Variants in PRDM1 observed in about 807,000 individuals in gnomAD.
PRDM1 encodes the protein PR domain zinc finger protein 1.
PRDM1 carries 13 observed loss-of-function variants against 62.8 expected under a neutral mutation model. That is an observed-to-expected ratio of 0.21 (90% CI 0.13 to 0.33). PRDM1 has a LOEUF of 0.33. Among genes scored for constraint, PRDM1 ranks in the 10% least tolerant of loss-of-function variants. PRDM1 has a pLI of 1.00. For synonymous variants in PRDM1, 396 were observed against 417.6 expected, an observed-to-expected ratio of 0.95 and a Z score of 0.63; for missense variants, 895 against 1,058.8, an observed-to-expected ratio of 0.85 and a Z score of 2.15.
Position 106,105,156 on chromosome 6 carries a change from C to T in PRDM1, c.996C>T (p.Ser332=), listed in dbSNP as rs143152824. Residue 332 remains serine (S), a synonymous_variant, in exon 5 of 7, where the codon TCC becomes TCT. Coordinates refer to ENST00000369096, the MANE Select transcript of PRDM1 (RefSeq NM_001198.4). ...TYITRSPIPS[S]TTPSPSARSS... ...TCACTCGCTCCCCCATTCCATCCTCCACCACTCCAAGCCCCTCTGCAAGAA... is the reference window on the plus strand; with the variant it reads ...TCACTCGCTCCCCCATTCCATCCTCTACCACTCCAAGCCCCTCTGCAAGAA... 2.2e-5 allele frequency: 36 copies of T among 1,613,002 alleles called. No homozygotes were observed. The highest frequency in any genetic ancestry group is 2.9e-5 in the Non-Finnish European group (34 of 1,179,614).
chr6:106,064,963 G>T (rs534805638), intron 1 of PRDM1, among the ~76,000 whole-genome samples: 91 of 152,274 alleles, frequency 6.0e-4, no homozygotes, highest in African/African-American at 2.2e-3. Context: ...CTGGTCTTCA[G>T]TAGGACCTCT....
intron 1 of PRDM1, among the ~76,000 whole-genome samples, chr6:106,067,129 C>A (rs1773445735): frequency 6.6e-6 from 1 of 152,186 alleles, no homozygotes; most frequent in Non-Finnish European, 1.5e-5. Context: ...AGCCAATTCT[C>A]TTCACCACCA....
At position 106,003,894 on chromosome 6, in the gene PRDM1, GT is replaced by G. The variant is rs1448671725; in HGVS notation, c.-67+10258del. Among the ~76,000 whole-genome samples, 26 of 152,174 alleles carry G rather than the reference GT, an allele frequency of 1.7e-4. 1 individual carries two copies. Among genetic ancestry groups the G allele is most frequent in the African/African-American group, 6.3e-4 (26 of 41,442 alleles). ...TTCCAGTATTGTTGCTTTAATTGCA[GT>G]TTGCTTCCTTCTCCAAAGGGAGAGT... On this transcript the variant is annotated intron_variant, in intron 1 of 6. Coordinates refer to the PRDM1 transcript ENST00000652320.
In PRDM1 at chr6:106,026,296, T is replaced by C. The variant is rs575933897; in HGVS notation, c.-67+32657T>C. On this transcript the variant is annotated intron_variant, in intron 1 of 6. Coordinates refer to the PRDM1 transcript ENST00000652320. ...GAGTTCGAGACCAGCCTGATCAACATGGAGAAACCCCGTCTCTACTAAAAA... is the reference window on the plus strand; with the variant it reads ...GAGTTCGAGACCAGCCTGATCAACACGGAGAAACCCCGTCTCTACTAAAAA... Among the ~76,000 whole-genome samples, 4 of 152,170 alleles carry C rather than the reference T, an allele frequency of 2.6e-5. No individual in the cohort carries two copies. The East Asian group carries it at 7.7e-4, about 29-fold the overall frequency.
upstream of PRDM1, among the ~76,000 whole-genome samples, chr6:106,086,165 G>C (rs937401705): frequency 6.6e-6 from 1 of 152,214 alleles, no homozygotes; most frequent in Non-Finnish European, 1.5e-5. Context: ...AAGATTCCAA[G>C]TCAATGTTGA....
intron 1 of PRDM1, among the ~76,000 whole-genome samples, chr6:106,017,071 TG>T (rs1222688656): frequency 1.1e-4 from 17 of 152,230 alleles, no homozygotes; most frequent in African/African-American, 3.9e-4. Flanking sequence ...AAATGCATTA[TG>T]AATGCATAAA....
upstream of PRDM1, among the ~76,000 whole-genome samples, chr6:106,081,725 A>G (rs1359702341): frequency 6.6e-6 from 1 of 152,182 alleles, no homozygotes; most frequent in Non-Finnish European, 1.5e-5. Flanking sequence ...CTTAGAAAGG[A>G]TGAGAAGAAA....
At position 106,015,460 on chromosome 6, in the gene PRDM1, G is replaced by A. The variant is rs1034114219; in HGVS notation, c.-67+21821G>A. Among the ~76,000 whole-genome samples, 3 of 152,166 alleles carry A rather than the reference G, an allele frequency of 2.0e-5. No individual in the cohort carries two copies. In the South Asian group the frequency reaches 6.2e-4, roughly 31 times the overall value. ...CCTCAAGACTTAAATGAAAGGCAAG[G>A]TGCTAAACAATGAATATGCCACCTT... On this transcript the variant is annotated intron_variant, in intron 1 of 6. Coordinates refer to the PRDM1 transcript ENST00000652320.
At chr6:106,034,919 G>A (rs2114570581) in intron 1 of PRDM1, among the ~76,000 whole-genome samples, 1 of 152,274 alleles carries the variant, frequency 6.6e-6, no homozygotes, top group South Asian at 2.1e-4. Flanking sequence ...ACAGGTGTGA[G>A]CCACCACACT....
At chr6:106,090,351 C>T (rs1209401188) in intron 2 of PRDM1, among the ~76,000 whole-genome samples, 1 of 152,208 alleles carries the variant, frequency 6.6e-6, no homozygotes, top group East Asian at 1.9e-4. Flanking sequence ...CGAAACTAAC[C>T]TAAGAGGTGA....
intron 2 of PRDM1, among the ~76,000 whole-genome samples, chr6:106,089,527 G>GT (rs1773904610): frequency 6.6e-6 from 1 of 152,196 alleles, no homozygotes; most frequent in Non-Finnish European, 1.5e-5. Context: ...TGAGTCCAGT[G>GT]TTTTTGGTGA....
chr6:106,018,284 AAGT>A (rs1772649650), intron 1 of PRDM1, among the ~76,000 whole-genome samples: 1 of 152,242 alleles, frequency 6.6e-6, no homozygotes, highest in South Asian at 2.1e-4. Context: ...ATAGTGTGTT[AAGT>A]AGACCATAAT....
intron 1 of PRDM1, among the ~76,000 whole-genome samples, chr6:106,039,426 G>A (rs1350660021): frequency 6.6e-6 from 1 of 152,142 alleles, no homozygotes; most frequent in African/African-American, 2.4e-5. Flanking sequence ...TGTTATGTTT[G>A]TCTAAGTTTC....
chr6:106,100,495 T>C (rs954098021), intron 4 of PRDM1: 1 of 152,276 alleles, frequency 6.6e-6, no homozygotes, highest in Non-Finnish European at 1.5e-5. Context: ...TTACCAGTTA[T>C]TGATAAGTAT....
At chr6:106,085,036 A>C (rs1181689150), upstream of PRDM1, among the ~76,000 whole-genome samples, 1 of 152,220 alleles carries the variant, frequency 6.6e-6, no homozygotes, top group Non-Finnish European at 1.5e-5. Context: ...TCTAAAAGTG[A>C]GAAAAGAAAT....
At chr6:106,016,480 C>T (rs1332231665) in intron 1 of PRDM1, among the ~76,000 whole-genome samples, 6 of 151,804 alleles carry the variant, frequency 4.0e-5, no homozygotes, top group Non-Finnish European at 5.9e-5. Context: ...GATTAACAAG[C>T]AGGTGTTCAG....
At chr6:106,070,467 A>G (rs1001269711) in intron 1 of PRDM1, among the ~76,000 whole-genome samples, 13 of 152,172 alleles carry the variant, frequency 8.5e-5, no homozygotes, top group African/African-American at 2.9e-4. Flanking sequence ...TGTAAATTTG[A>G]ATATTCAGGT....
chr6:106,071,757 G>A (rs920674172), intron 1 of PRDM1, among the ~76,000 whole-genome samples: 2 of 149,902 alleles, frequency 1.3e-5, no homozygotes, highest in Admixed American at 1.3e-4. Flanking sequence ...TCCTGGGAAT[G>A]TTCCACAACC....
intron 1 of PRDM1, among the ~76,000 whole-genome samples, chr6:106,005,204 C>T (rs1772469321): frequency 6.6e-6 from 1 of 152,194 alleles, no homozygotes; most frequent in African/African-American, 2.4e-5. Context: ...TCAATTACCC[C>T]ATTTTCATGT....
Sources: allele counts gnomAD v4.1 joint callset (sites outside exome capture counted in the v4.1 genomes callset), GRCh38; gene constraint gnomAD v4.1.1; transcripts MANE v1.5; gene names NCBI Gene and HGNC (gene_info 2026-07-23, HGNC 2026-07-21).